The following ASPA variants were observed in gnomAD, a reference collection of about 807,000 sequenced individuals.
The protein encoded by ASPA is ACY-2.
ASPA carries 25 observed loss-of-function variants against 29.6 expected under a neutral mutation model. That is an observed-to-expected ratio of 0.85 (90% CI 0.62 to 1.18). ASPA has a LOEUF of 1.18. Among genes scored for constraint, ASPA ranks in the 50% most tolerant of loss-of-function variants. The pLI is 0.00. For missense variants in ASPA, 333 were observed against 385.7 expected, an observed-to-expected ratio of 0.86 and a Z score of 1.14; for synonymous variants, 131 against 130.3, an observed-to-expected ratio of 1.01 and a Z score of -0.04.
At chr17:3,478,919 A>G in intron 1 of ASPA, among the ~76,000 whole-genome samples, 1 of 152,022 alleles carries the variant, frequency 6.6e-6, no homozygotes, top group East Asian at 1.9e-4. Flanking sequence ...CCTTGCAAGT[A>G]CTTCACAAAT....
At chr17:3,486,001 C>T (rs1317405804) in intron 3 of ASPA, among the ~76,000 whole-genome samples, 5 of 150,966 alleles carry the variant, frequency 3.3e-5, no homozygotes, top group African/African-American at 4.9e-5. Flanking sequence ...GGCACAATCT[C>T]GGCTCACTGC....
rs1374291248 is a variant in ASPA, at chr17:3,499,918, T to G, written c.*830T>G. 3 of 152,208 alleles carry G rather than the reference T, an allele frequency of 2.0e-5. No individual in the cohort carries two copies. The highest frequency in any genetic ancestry group is 2.9e-5 in the Non-Finnish European group (2 of 68,044). The allele number at this position is 152,208 out of a possible 1,614,324, so 9.4% of individuals were successfully genotyped here. Reference sequence around the variant, plus strand: ...CTGAAAGCTAGGCCTCTTGCACTGGTTAGCCAAGTTGTGAATTCAAAGAAA... The same window carrying G: ...CTGAAAGCTAGGCCTCTTGCACTGGGTAGCCAAGTTGTGAATTCAAAGAAA... On this transcript the variant is annotated 3_prime_UTR_variant, in exon 6 of 6. Coordinates refer to ENST00000263080, the MANE Select transcript of ASPA (RefSeq NM_000049.4).
In ASPA at chr17:3,501,121, T is replaced by C. The variant is rs1173267058; in HGVS notation, c.*2033T>C. 2 of 151,566 alleles carry C rather than the reference T, an allele frequency of 1.3e-5. No homozygotes were observed. The highest frequency in any genetic ancestry group is 4.9e-5 in the African/African-American group (2 of 41,200). 9.4% of individuals were successfully genotyped at this position (151,566 alleles called of 1,614,324 possible). A position where few individuals can be genotyped will look rare whatever the true frequency, so the allele number is the denominator to read the frequency against. On this transcript the variant is annotated 3_prime_UTR_variant, in exon 6 of 6. Coordinates refer to ENST00000263080, the MANE Select transcript of ASPA (RefSeq NM_000049.4). ...TCATTGTGACTTTCAAATCTAACTATTTAAGAAATACATTTCAGGCTGGGG... is the reference window on the plus strand; with the variant it reads ...TCATTGTGACTTTCAAATCTAACTACTTAAGAAATACATTTCAGGCTGGGG...
chr17:3,486,238 A>G (rs1351385900), intron 3 of ASPA, among the ~76,000 whole-genome samples: 1 of 152,130 alleles, frequency 6.6e-6, no homozygotes, highest in African/African-American at 2.4e-5. Flanking sequence ...CCGGCTGTGA[A>G]CCTTCATTTT....
chr17:3,492,844 C>T (rs2073847741), intron 4 of ASPA, among the ~76,000 whole-genome samples: 1 of 152,012 alleles, frequency 6.6e-6, no homozygotes, highest in African/African-American at 2.4e-5. Flanking sequence ...AGGAGCAAAA[C>T]AATAAAAAAA....
intron 3 of ASPA, among the ~76,000 whole-genome samples, chr17:3,487,708 T>G (rs2073750644): frequency 6.6e-6 from 1 of 152,206 alleles, no homozygotes; most frequent in Non-Finnish European, 1.5e-5. Flanking sequence ...AATCATTGAC[T>G]AGGGGATTAT....
In ASPA at chr17:3,488,572, G is replaced by A. The variant is rs1964623; in HGVS notation, c.527-663G>A. Among the ~76,000 whole-genome samples, 35,870 of 152,014 alleles carry A rather than the reference G, an allele frequency of 0.24. 4,567 individuals are homozygous for A. The highest frequency in any genetic ancestry group is 0.46 in the East Asian group (2,357 of 5,156). On this transcript the variant is annotated intron_variant, in intron 3 of 5. Transcript: ENST00000263080. The surrounding 1 kb of genome is among the most constrained non-coding windows in gnomAD (Gnocchi z 6.1). ...CTCGGGAGGCTGAGGCAGAAGAATC[G>A]CTTGAACCTGGGAGGCAGAGGTTGC...
intron 5 of ASPA, among the ~76,000 whole-genome samples, chr17:3,498,420 C>T (rs2073943813): frequency 1.3e-5 from 2 of 152,090 alleles, no homozygotes; most frequent in African/African-American, 4.8e-5. Context: ...GAACATAGCT[C>T]ACTGTAGCCT....
At chr17:3,489,735 A>G (rs934283544) in intron 4 of ASPA, among the ~76,000 whole-genome samples, 1 of 152,222 alleles carries the variant, frequency 6.6e-6, no homozygotes, top group African/African-American at 2.4e-5. Context: ...GAAAAGGGGA[A>G]ACTCTCATTA....
intron 2 of ASPA, 24 bp downstream of exon 2, chr17:3,481,822 T>A: frequency 1.3e-6 from 2 of 1,553,796 alleles, no homozygotes; most frequent in Non-Finnish European, 1.8e-6. Context: ...TATTAATTTA[T>A]AAGTTAGCAA....
At chr17:3,491,771 A>G (rs2073829786) in intron 4 of ASPA, among the ~76,000 whole-genome samples, 1 of 151,648 alleles carries the variant, frequency 6.6e-6, no homozygotes, top group East Asian at 1.9e-4. Context: ...AGAAAGAAAG[A>G]AGTCTACATT....
intron 3 of ASPA, among the ~76,000 whole-genome samples, chr17:3,484,258 T>C (rs1174266115): frequency 1.3e-5 from 2 of 152,196 alleles, no homozygotes; most frequent in African/African-American, 4.8e-5. Flanking sequence ...GACTAATATT[T>C]ATAGTGTGCC....
intron 1 of ASPA, 121 bp from the exon 2 acceptor site, chr17:3,481,482 C>A: frequency 1.1e-6 from 1 of 891,356 alleles, no homozygotes. Context: ...TTTTTACTTA[C>A]CACACAGATT....
Position 3,485,067 on chromosome 17 carries a change from T to C in ASPA, c.526+1475T>C, listed in dbSNP as rs2073696215. On this transcript the variant is annotated intron_variant, in intron 3 of 5. Coordinates refer to ENST00000263080, the MANE Select transcript of ASPA (RefSeq NM_000049.4). The surrounding 1 kb of genome is among the most constrained non-coding windows in gnomAD (Gnocchi z 4.4). The stretch of plus-strand genomic sequence containing the variant: ...AAGGGTCTCACTCTGTTGCCCAGGC[T>C]GAGTGTAGTGGCACGATCACAGTTC... Among the ~76,000 whole-genome samples, 1 of 152,170 alleles carries C rather than the reference T, an allele frequency of 6.6e-6. No individual in the cohort carries two copies. The highest frequency in any genetic ancestry group is 2.1e-4 in the South Asian group (1 of 4,830).
rs1365035295 is a variant in ASPA at position 3,476,176 on chromosome 17, T to C, written c.17T>C (p.Ile6Thr). The C allele has an allele frequency of 3.7e-6, 6 of 1,613,964 alleles. No homozygotes were observed. ...CTTGGTGAAATGACTTCTTGTCACA[T>C]TGCTGAAGAACATATACAAAAGGTT... is the stretch of plus-strand genomic sequence containing the variant. MTSCH[I>T]AEEHIQKVAI... Residue 6 changes from isoleucine to threonine, a missense_variant, in exon 1 of 6, where the codon ATT becomes ACT. Physicochemically the swap from Ile to Thr is moderately conservative, Grantham distance 89. Coordinates refer to ENST00000263080, the MANE Select transcript of ASPA (RefSeq NM_000049.4).
rs2073973166 is a variant in ASPA, at chr17:3,500,193, CA to C, written c.*1106del. 6.6e-6 allele frequency: 1 copy of C among 152,248 alleles called. No individual in the cohort carries two copies. 9.4% of individuals were successfully genotyped at this position (152,248 alleles called of 1,614,324 possible). On this transcript the variant is annotated 3_prime_UTR_variant, in exon 6 of 6. Coordinates refer to ENST00000263080, the MANE Select transcript of ASPA (RefSeq NM_000049.4). The stretch of plus-strand genomic sequence containing the variant: ...GTTCACAAGGTTTAAGGAAAGAAGA[CA>C]GCTCTAAAACCTACAAGTGGAAAGC...
intron 3 of ASPA, among the ~76,000 whole-genome samples, chr17:3,484,947 A>G (rs1182221916): frequency 1.3e-5 from 2 of 152,148 alleles, no homozygotes; most frequent in African/African-American, 4.8e-5. Flanking sequence ...ATGTATGCTT[A>G]CTAAATATTA....
chr17:3,498,366 A>C lies in ASPA; in HGVS notation c.745-525A>C, dbSNP rs573476029. Among the ~76,000 whole-genome samples the C allele has an allele frequency of 3.6e-4, 54 of 152,056 alleles. No homozygotes were observed. The South Asian group carries it at 7.5e-3, about 21-fold the overall frequency. ...CAAACTCTTTTTTATTTTTTTTTAG[A>C]GACAGGGTTTCATTCTGTCACCCAG... On this transcript the variant is annotated intron_variant, in intron 5 of 5. Coordinates refer to ENST00000263080, the MANE Select transcript of ASPA (RefSeq NM_000049.4).
intron 3 of ASPA, 106 bp downstream of exon 3, chr17:3,483,698 T>G (rs2073673809): frequency 4.4e-6 from 5 of 1,137,210 alleles, no homozygotes; most frequent in Non-Finnish European, 6.4e-6. Context: ...AGTCTTGCTC[T>G]GTCACCCAGG....
Sources: allele counts gnomAD v4.1 joint callset (sites outside exome capture counted in the v4.1 genomes callset), GRCh38; gene constraint gnomAD v4.1.1; non-coding constraint Gnocchi (gnomAD v3.1); transcripts MANE v1.5; gene names NCBI Gene and HGNC (gene_info 2026-07-23, HGNC 2026-07-21).